The following PPP2R3A variants were observed in gnomAD, a reference collection of about 807,000 sequenced individuals.
PPP2R3A encodes protein phosphatase 2 regulatory subunit B''alpha.
PPP2R3A carries 80 observed loss-of-function variants against 106.9 expected under a neutral mutation model. That is an observed-to-expected ratio of 0.75 (90% CI 0.62 to 0.90). The LOEUF is 0.90. Among genes scored for constraint, PPP2R3A ranks in the 40% least tolerant of loss-of-function variants. The pLI, the probability that PPP2R3A is intolerant of heterozygous loss-of-function variation, is 0.00. For missense variants in PPP2R3A, 1,386 were observed against 1,350.4 expected (o/e 1.03, Z -0.41); for synonymous variants, 483 against 468.3 (o/e 1.03, Z -0.41).
In PPP2R3A at chr3:136,078,470, A is replaced by G. The variant is rs1434362529; in HGVS notation, c.2631+17A>G. 2 of 1,479,556 alleles carry G rather than the reference A, an allele frequency of 1.4e-6. No individual in the cohort carries two copies. Among genetic ancestry groups the G allele is most frequent in the African/African-American group, 2.8e-5 (2 of 71,576 alleles). The allele number at this position is 1,479,556 out of a possible 1,614,324, so 91.7% of individuals were successfully genotyped here. ...TTTTTGCAAGTATGCCTTTCATTAGAATTCATGTGTAATGAGCAATTTAGA... is the reference window on the plus strand; with the variant it reads ...TTTTTGCAAGTATGCCTTTCATTAGGATTCATGTGTAATGAGCAATTTAGA... On this transcript the variant is annotated intron_variant, in intron 7 of 13. Coordinates refer to ENST00000264977, the MANE Select transcript of PPP2R3A (RefSeq NM_002718.5).
At position 136,050,483 on chromosome 3, in the gene PPP2R3A, C is replaced by G. The variant is rs137900574; in HGVS notation, c.2469+1122C>G. Among the ~76,000 whole-genome samples, 39 of 152,332 alleles carry G rather than the reference C, an allele frequency of 2.6e-4. 1 individual carries two copies. The East Asian group carries it at 5.6e-3, about 22-fold the overall frequency. On this transcript the variant is annotated intron_variant, in intron 5 of 13. Coordinates refer to ENST00000264977, the MANE Select transcript of PPP2R3A (RefSeq NM_002718.5). ...ACCAAAGCATTAGGGTTGGGAGTTACTGCTGAGACATCAGCCATCTTTGGC... is the reference window on the plus strand; with the variant it reads ...ACCAAAGCATTAGGGTTGGGAGTTAGTGCTGAGACATCAGCCATCTTTGGC...
At chr3:136,042,625 A>G (rs750429140) in intron 4 of PPP2R3A, among the ~76,000 whole-genome samples, 3 of 152,236 alleles carry the variant, frequency 2.0e-5, no homozygotes, top group Non-Finnish European at 2.9e-5. Context: ...GCAAAACGCA[A>G]AAAGCGGGGG....
At chr3:136,113,687 C>T (rs1937635338) in intron 13 of PPP2R3A, among the ~76,000 whole-genome samples, 2 of 151,764 alleles carry the variant, frequency 1.3e-5, no homozygotes, top group African/African-American at 4.8e-5. Flanking sequence ...CTCAGCTACT[C>T]AGGAGGCTGA....
intron 10 of PPP2R3A, among the ~76,000 whole-genome samples, chr3:136,101,267 AAAG>A (rs1377785360): frequency 6.6e-6 from 1 of 152,200 alleles, no homozygotes; most frequent in East Asian, 1.9e-4. Flanking sequence ...CAAATAGATA[AAAG>A]AAAAATATAA....
intron 2 of PPP2R3A, among the ~76,000 whole-genome samples, chr3:136,015,737 C>T (rs1174690683): frequency 2.0e-5 from 3 of 151,806 alleles, no homozygotes; most frequent in Non-Finnish European, 4.4e-5. Flanking sequence ...AATGGTCTAT[C>T]AATTTTGTTT....
rs1384100362 is a variant in PPP2R3A at position 136,147,881 on chromosome 3, T to C, written c.*2715T>C. ...TCCCTTTTAGCAAAACTAAATAAAG[T>C]TGTCAAATATGAATCATGTTCATTA... On this transcript the variant is annotated 3_prime_UTR_variant, in exon 14 of 14. Coordinates refer to ENST00000264977, the MANE Select transcript of PPP2R3A (RefSeq NM_002718.5). 2 of 152,198 alleles carry C rather than the reference T, an allele frequency of 1.3e-5. No homozygotes were observed. The highest frequency in any genetic ancestry group is 2.4e-5 in the African/African-American group (1 of 41,434). The allele number at this position is 152,198 out of a possible 1,614,324, so 9.4% of individuals were successfully genotyped here.
At chr3:136,025,647 T>C (rs958422574) in intron 2 of PPP2R3A, among the ~76,000 whole-genome samples, 31 of 152,136 alleles carry the variant, frequency 2.0e-4, no homozygotes, top group Non-Finnish European at 4.1e-4. Flanking sequence ...TTAAGAAATA[T>C]GATAAATATA....
intron 8 of PPP2R3A, among the ~76,000 whole-genome samples, chr3:136,086,156 A>G (rs528096361): frequency 6.6e-6 from 1 of 151,412 alleles, no homozygotes; most frequent in East Asian, 2.0e-4. Flanking sequence ...TTTGTTGTAT[A>G]TGATGTCAGG....
chr3:135,983,345 A>T (rs1420386761), intron 1 of PPP2R3A, among the ~76,000 whole-genome samples: 1 of 152,160 alleles, frequency 6.6e-6, no homozygotes, highest in Non-Finnish European at 1.5e-5. Context: ...TATGAGGATG[A>T]GTAAATTGTG....
chr3:136,083,214 G>A (rs1005979220), intron 8 of PPP2R3A, among the ~76,000 whole-genome samples: 1 of 152,062 alleles, frequency 6.6e-6, no homozygotes, highest in African/African-American at 2.4e-5. Context: ...ATGGTGGTAT[G>A]GTTTGGCTAT....
chr3:136,017,182 TCTG>T (rs1934307263), intron 2 of PPP2R3A, among the ~76,000 whole-genome samples: 1 of 152,232 alleles, frequency 6.6e-6, no homozygotes, highest in South Asian at 2.1e-4. Context: ...TGCTGAGAAA[TCTG>T]CTGTTAATCT....
At chr3:136,087,243 G>GTATC (rs1491461536) in intron 8 of PPP2R3A, among the ~76,000 whole-genome samples, 2 of 75,062 alleles carry the variant, frequency 2.7e-5, no homozygotes, top group South Asian at 1.2e-3. Flanking sequence ...GTCTCTAGTC[G>GTATC]TGTCTCTCTC....
intron 3 of PPP2R3A, among the ~76,000 whole-genome samples, chr3:136,028,623 T>C (rs1934751454): frequency 6.6e-6 from 1 of 152,214 alleles, no homozygotes; most frequent in East Asian, 1.9e-4. Context: ...CCAAATATAT[T>C]ACAAGTTCTT....
At chr3:136,015,205 T>C (rs1934228966) in intron 2 of PPP2R3A, among the ~76,000 whole-genome samples, 1 of 152,216 alleles carries the variant, frequency 6.6e-6, no homozygotes, top group Non-Finnish European at 1.5e-5. Flanking sequence ...ATCTTTTTAA[T>C]AGGCTGTTGG....
chr3:136,091,625 A>T (rs1036683129), intron 10 of PPP2R3A, among the ~76,000 whole-genome samples: 4 of 152,210 alleles, frequency 2.6e-5, no homozygotes, highest in Non-Finnish European at 5.9e-5. Context: ...CTCTAAAAAA[A>T]TAAATGTTGA....
At chr3:136,062,916 A>G (rs1379421329) in intron 5 of PPP2R3A, among the ~76,000 whole-genome samples, 1 of 152,168 alleles carries the variant, frequency 6.6e-6, no homozygotes, top group East Asian at 1.9e-4. Flanking sequence ...ACTGGAAACA[A>G]CTACTTTAAA....
chr3:136,143,978 A>T (rs1184163960), intron 13 of PPP2R3A, among the ~76,000 whole-genome samples: 2 of 152,254 alleles, frequency 1.3e-5, no homozygotes, highest in Non-Finnish European at 2.9e-5. Context: ...CAGTGATGTC[A>T]AATACTATAA....
chr3:136,049,066 T>C (rs1935578617), intron 4 of PPP2R3A, among the ~76,000 whole-genome samples, 193 bp from the exon 5 acceptor site: 1 of 152,078 alleles, frequency 6.6e-6, no homozygotes, highest in African/African-American at 2.4e-5. Flanking sequence ...GGGAAGAGGG[T>C]CTAATAGACT....
chr3:136,039,469 A>T (rs557204016), intron 3 of PPP2R3A, among the ~76,000 whole-genome samples: 1 of 152,056 alleles, frequency 6.6e-6, no homozygotes, highest in East Asian at 1.9e-4. Flanking sequence ...TTTTCCATGG[A>T]TGGGGGTAGA....
Sources: gnomAD v4.1 joint callset for allele counts (sites outside exome capture counted in the v4.1 genomes callset) on GRCh38, gnomAD v4.1.1 for gene constraint, MANE v1.5 for transcripts, NCBI Gene and HGNC (gene_info 2026-07-23, HGNC 2026-07-21) for gene names.